CDKN2B-AS1: variants seen among roughly 807,000 people sequenced by gnomAD.
CDKN2B-AS1 encodes CDKN2B and CDKN2A antisense cis and trans regulatory RNA 1, also known as CDKN2B antisense RNA 1 (non-protein coding).
chr9:22,068,216 A>G (rs764085413), intron 4 of CDKN2B-AS1, among the ~76,000 whole-genome samples: 2 of 152,172 alleles, frequency 1.3e-5, no homozygotes, highest in Non-Finnish European at 2.9e-5. Context: ...CTCCACATAC[A>G]TACATCTTTG....
chr9:22,108,125 A>C (rs931395380), intron 4 of CDKN2B-AS1, among the ~76,000 whole-genome samples: 61 of 152,200 alleles, frequency 4.0e-4, no homozygotes, highest in African/African-American at 1.5e-3. Flanking sequence ...TGGGCCTTCT[A>C]TCTCTCCTAC....
At chr9:22,047,485 T>G (rs971759278) in intron 2 of CDKN2B-AS1, among the ~76,000 whole-genome samples, 2 of 152,178 alleles carry the variant, frequency 1.3e-5, no homozygotes, top group African/African-American at 4.8e-5. Context: ...GCTGAAGAAC[T>G]TAGCACTTGT....
intron 3 of CDKN2B-AS1, among the ~76,000 whole-genome samples, chr9:22,053,609 C>T (rs1823442084): frequency 6.6e-6 from 1 of 152,132 alleles, no homozygotes; most frequent in Admixed American, 6.5e-5. Flanking sequence ...GAGCTACCTT[C>T]CAGATGACTT....
At chr9:22,119,921 G>A (rs1476214070) in intron 4 of CDKN2B-AS1, 4 of 152,198 alleles carry the variant, frequency 2.6e-5, no homozygotes, top group Non-Finnish European at 5.9e-5. Context: ...TCAAATTTCA[G>A]TGAGGTGGCA....
At chr9:22,070,912 G>T (rs941028987) in intron 4 of CDKN2B-AS1, among the ~76,000 whole-genome samples, 5 of 152,102 alleles carry the variant, frequency 3.3e-5, no homozygotes, top group Non-Finnish European at 7.4e-5. Context: ...TTTGAATTTA[G>T]GAAGATGTAA....
At chr9:22,097,901 TC>T (rs1825339553) in intron 4 of CDKN2B-AS1, among the ~76,000 whole-genome samples, 1 of 152,194 alleles carries the variant, frequency 6.6e-6, no homozygotes, top group African/African-American at 2.4e-5. Context: ...ACTGTTCTAG[TC>T]ATGCAGTTTC....
chr9:22,003,243 T>C (rs1320918327), intron 1 of CDKN2B-AS1: 1 of 217,806 alleles, frequency 4.6e-6, no homozygotes. Flanking sequence ...CAGGTGGTAA[T>C]TGATACCCAA....
chr9:22,029,571 C>T (rs1822381659), intron 1 of CDKN2B-AS1: 1 of 776,226 alleles, frequency 1.3e-6, no homozygotes, highest in African/African-American at 1.7e-5. Flanking sequence ...GTGGTATGTG[C>T]CACTGAGGCC....
At chr9:22,103,521 G>T (rs1416317804) in intron 4 of CDKN2B-AS1, among the ~76,000 whole-genome samples, 2 of 152,264 alleles carry the variant, frequency 1.3e-5, no homozygotes, top group Middle Eastern at 3.4e-3. Context: ...CATCGTTCGA[G>T]AATGCTGCCC....
chr9:22,111,359 G>A (rs962395097), intron 4 of CDKN2B-AS1, among the ~76,000 whole-genome samples: 4 of 152,096 alleles, frequency 2.6e-5, no homozygotes, highest in African/African-American at 9.7e-5. Flanking sequence ...AAAAAGGAAG[G>A]TCTGGAGAAT....
At chr9:22,048,953 AC>A (rs1425680937) in intron 2 of CDKN2B-AS1, among the ~76,000 whole-genome samples, 1 of 152,222 alleles carries the variant, frequency 6.6e-6, no homozygotes, top group African/African-American at 2.4e-5. Context: ...GAGGTATAGT[AC>A]TATGCTTGCC....
chr9:22,081,704 T>C (rs566433612), intron 4 of CDKN2B-AS1, among the ~76,000 whole-genome samples: 1 of 152,338 alleles, frequency 6.6e-6, no homozygotes, highest in East Asian at 1.9e-4. Context: ...GTCTATTAGT[T>C]GTGTAATCTT....
rs149210410 is a variant in CDKN2B-AS1, at chr9:22,107,907, G to C, written n.439-19196G>C. Among the ~76,000 whole-genome samples, 973 of 152,272 alleles carry C rather than the reference G, an allele frequency of 6.4e-3. 14 individuals are homozygous for C. Among genetic ancestry groups the C allele is most frequent in the African/African-American group, 0.022 (914 of 41,556 alleles). Reference sequence around the variant, plus strand: ...ATTAGGTAAGGCATTCTACATCTCAGATAAAGAACTTCAATGAATTGTTGG... The same window carrying C: ...ATTAGGTAAGGCATTCTACATCTCACATAAAGAACTTCAATGAATTGTTGG... On this transcript the variant is annotated intron_variant and non_coding_transcript_variant, in intron 4 of 4. Transcript: ENST00000650946.
Position 22,003,478 on chromosome 9 carries a change from A to G in CDKN2B-AS1, n.29+8317A>G, listed in dbSNP as rs1821018300. ...ATGACCCAGTATAATGCAACTAGCAAATTTAAACATCTTGGAATTTAAGAT... is the reference window on the plus strand; with the variant it reads ...ATGACCCAGTATAATGCAACTAGCAGATTTAAACATCTTGGAATTTAAGAT... On this transcript the variant is annotated intron_variant and non_coding_transcript_variant, in intron 1 of 4. Coordinates refer to ENST00000650946, the Ensembl canonical transcript of CDKN2B-AS1. The G allele has an allele frequency of 2.6e-5, 6 of 228,534 alleles. No homozygotes were observed. The East Asian group carries it at 3.8e-4, about 15-fold the overall frequency. The allele number at this position is 228,534 out of a possible 1,614,324, so 14.2% of individuals were successfully genotyped here. A position where few individuals can be genotyped will look rare whatever the true frequency, so the allele number is the denominator to read the frequency against.
In CDKN2B-AS1 at chr9:22,106,046, G is replaced by T. The variant is rs577552249; in HGVS notation, n.439-21057G>T. On this transcript the variant is annotated intron_variant and non_coding_transcript_variant, in intron 4 of 4. Transcript: ENST00000650946. ...ATGCCTTAGCCTCCCGAGTAGCTGG[G>T]ATTACAGGCACCTGCCACCACATCT... Among the ~76,000 whole-genome samples, 4 of 152,224 alleles carry T rather than the reference G, an allele frequency of 2.6e-5. No homozygotes were observed. The East Asian group carries it at 5.8e-4, about 22-fold the overall frequency.
chr9:22,031,820 A>T (rs1244624283), intron 1 of CDKN2B-AS1, among the ~76,000 whole-genome samples: 1 of 152,208 alleles, frequency 6.6e-6, no homozygotes, highest in African/African-American at 2.4e-5. Context: ...ATAAGTTTAC[A>T]GAAGATTGCG....
intron 1 of CDKN2B-AS1, among the ~76,000 whole-genome samples, chr9:22,020,030 C>T (rs897714894): frequency 6.6e-6 from 1 of 152,072 alleles, no homozygotes; most frequent in Non-Finnish European, 1.5e-5. Flanking sequence ...ACCCATCTTC[C>T]ACCTTCTGAT....
At chr9:22,111,788 G>A (rs1347788859) in intron 4 of CDKN2B-AS1, among the ~76,000 whole-genome samples, 1 of 152,116 alleles carries the variant, frequency 6.6e-6, no homozygotes, top group Non-Finnish European at 1.5e-5. Context: ...TGTTTATGAT[G>A]TGACACTGAC....
At chr9:22,084,311 C>T (rs1537370) in intron 4 of CDKN2B-AS1, among the ~76,000 whole-genome samples, 84,516 of 152,012 alleles carry the variant, frequency 0.56, 24,168 homozygotes, top group Middle Eastern at 0.71. Flanking sequence ...ATATTACCTT[C>T]GTAAAAGAAG....
Sources: allele counts gnomAD v4.1 joint callset (sites outside exome capture counted in the v4.1 genomes callset), GRCh38; gene constraint gnomAD v4.1.1; transcripts MANE v1.5; gene names NCBI Gene and HGNC (gene_info 2026-07-23, HGNC 2026-07-21).